Variants in EAF2 observed in about 807,000 individuals in gnomAD.
EAF2 encodes ELL associated factor 2.
In EAF2, 29 loss-of-function variants were observed where a neutral mutation model predicts 29.4. The ratio of observed to expected loss-of-function variants is 0.99; its 90% CI spans 0.73 to 1.35. EAF2 has a LOEUF of 1.35. Ranked by LOEUF, EAF2 falls within the 40% of genes most tolerant of loss-of-function variation. The pLI, the probability that EAF2 is intolerant of heterozygous loss-of-function variation, is 0.00. For missense variants in EAF2, 292 were observed against 312.0 expected (o/e 0.94, Z 0.48); for synonymous variants, 103 against 102.5 (o/e 1.00, Z -0.03).
intron 5 of EAF2, among the ~76,000 whole-genome samples, chr3:121,877,245 T>A (rs1052408688): frequency 1.3e-5 from 2 of 151,706 alleles, no homozygotes; most frequent in African/African-American, 4.8e-5. Context: ...GTATAAAACA[T>A]AACAGAAGTA....
intron 5 of EAF2, among the ~76,000 whole-genome samples, chr3:121,878,384 T>C (rs537163968): frequency 6.6e-6 from 1 of 152,178 alleles, no homozygotes; most frequent in Non-Finnish European, 1.5e-5. Flanking sequence ...ACCTCAAACA[T>C]TTGTCCTTTT....
intron 1 of EAF2, among the ~76,000 whole-genome samples, chr3:121,841,455 A>C (rs1438490321): frequency 7.0e-6 from 1 of 143,094 alleles, no homozygotes. Flanking sequence ...CAGTGAGCCG[A>C]AATCGCGCCA....
chr3:121,862,932 G>A (rs1708859104), intron 4 of EAF2, among the ~76,000 whole-genome samples: 1 of 152,210 alleles, frequency 6.6e-6, no homozygotes, highest in Non-Finnish European at 1.5e-5. Context: ...ACCCTCAGCT[G>A]CAGTCTGTTG....
At chr3:121,882,447 A>G (rs1709204212) in intron 5 of EAF2, among the ~76,000 whole-genome samples, 1 of 151,956 alleles carries the variant, frequency 6.6e-6, no homozygotes, top group Non-Finnish European at 1.5e-5. Context: ...AAAAAACAGA[A>G]CTCCTACAAA....
At position 121,854,768 on chromosome 3, in the gene EAF2, A is replaced by G; in HGVS notation, c.283A>G (p.Thr95Ala). 1.9e-6 allele frequency: 3 copies of G among 1,575,498 alleles called. No homozygotes were observed. Residue 95 changes from threonine (T) to alanine (A), a missense_variant, in exon 3 of 6, where the codon ACT becomes GCT. Transcript: ENST00000273668. ...KECILIINHD[T>A]GECRLEKLSS... ...ATGCATTTTGATTATTAACCATGAT[A>G]CTGGAGAATGTCGGCTAGAAAAACT...
intron 3 of EAF2, among the ~76,000 whole-genome samples, chr3:121,855,706 G>C (rs1460703273): frequency 2.6e-5 from 4 of 152,206 alleles, no homozygotes; most frequent in African/African-American, 9.6e-5. Context: ...AGACCTACTT[G>C]AACGGAGCAG....
chr3:121,867,967 T>C (rs1017217324), intron 4 of EAF2, among the ~76,000 whole-genome samples: 44 of 152,146 alleles, frequency 2.9e-4, no homozygotes, highest in African/African-American at 2.4e-5. Context: ...TTAATTGAGA[T>C]GGCATTCTAA....
At position 121,835,228 on chromosome 3, in the gene EAF2, T is replaced by A. The variant is rs892153256; in HGVS notation, c.-58T>A. ...GGGATCAAGTGCAGCTGCTTCAGGC[T>A]GAGGTGGCAGATAGTGAGCGCTGGT... On this transcript the variant is annotated 5_prime_UTR_variant, in exon 1 of 6. Coordinates refer to ENST00000273668, the MANE Select transcript of EAF2 (RefSeq NM_018456.6). 2.0e-6 allele frequency: 3 copies of A among 1,535,090 alleles called. No homozygotes were observed. The highest frequency in any genetic ancestry group is 3.3e-5 in the Admixed American group (2 of 59,746).
chr3:121,881,503 T>TTAG (rs1374875129), intron 5 of EAF2, among the ~76,000 whole-genome samples: 2 of 152,118 alleles, frequency 1.3e-5, no homozygotes, highest in East Asian at 1.9e-4. Context: ...TTTTAAAAAA[T>TTAG]TAGTATTATT....
At chr3:121,836,424 A>G (rs186735082) in intron 1 of EAF2, among the ~76,000 whole-genome samples, 1 of 152,346 alleles carries the variant, frequency 6.6e-6, no homozygotes, top group East Asian at 1.9e-4. Context: ...ACATTCTCCC[A>G]AAAGTTTATT....
chr3:121,866,586 G>T (rs1034521722), intron 4 of EAF2, among the ~76,000 whole-genome samples: 1 of 152,016 alleles, frequency 6.6e-6, no homozygotes, highest in Non-Finnish European at 1.5e-5. Context: ...TTAGCTGGGT[G>T]TGGTGGCACG....
Position 121,841,504 on chromosome 3 carries a change from CAAAAAAAAAAAAAAAAAAAAAAAAA to C in EAF2, c.107-2934_107-2910del, listed in dbSNP as rs57868658. 8.9e-3 allele frequency among the ~76,000 whole-genome samples: 232 copies of C among 26,024 alleles called. 4 individuals are homozygous for C. The highest frequency in any genetic ancestry group is 0.02 in the African/African-American group (118 of 5,900). 17.1% of individuals were successfully genotyped at this position (26,024 alleles called of 152,430 possible). A position where few individuals can be genotyped will look rare whatever the true frequency, so the allele number is the denominator to read the frequency against. On this transcript the variant is annotated intron_variant, in intron 1 of 5. Coordinates refer to ENST00000273668, the MANE Select transcript of EAF2 (RefSeq NM_018456.6). ...TAGGCGGCAGAGGGAGACCCTGTCTCAAAAAAAAAAAAAAAAAAAAAAAAAAAAAAAAAAAAAAAGAAAGAAAGAA... is the reference window on the plus strand; with the variant it reads ...TAGGCGGCAGAGGGAGACCCTGTCTCAAAAAAAAAAAAAAGAAAGAAAGAA...
chr3:121,847,501 T>C (rs140211571), intron 2 of EAF2, among the ~76,000 whole-genome samples: 29 of 152,208 alleles, frequency 1.9e-4, no homozygotes, highest in Non-Finnish European at 3.8e-4. Context: ...TGTAGGCATA[T>C]ATATAGGCTA....
chr3:121,845,759 A>G (rs1459268164), intron 2 of EAF2, among the ~76,000 whole-genome samples: 1 of 151,058 alleles, frequency 6.6e-6, no homozygotes, highest in Non-Finnish European at 1.5e-5. Context: ...CTGGAGTTTG[A>G]GGAGTGGTTT....
chr3:121,875,333 A>C (rs1039582928), intron 5 of EAF2, among the ~76,000 whole-genome samples: 1 of 152,038 alleles, frequency 6.6e-6, no homozygotes, highest in Non-Finnish European at 1.5e-5. Context: ...AGGTGTGGGC[A>C]TAGGGTCTGT....
At chr3:121,858,293 A>G (rs1402582819) in intron 4 of EAF2, among the ~76,000 whole-genome samples, 1 of 152,268 alleles carries the variant, frequency 6.6e-6, no homozygotes, top group Non-Finnish European at 1.5e-5. Flanking sequence ...TCAACAGTGT[A>G]AAAGTGTTCC....
rs552826204 is a variant in EAF2 at position 121,855,112 on chromosome 3, A to G, written c.338+289A>G. Among the ~76,000 whole-genome samples the G allele has an allele frequency of 6.0e-4, 92 of 152,290 alleles. 1 individual carries two copies. Among genetic ancestry groups the G allele is most frequent in the Non-Finnish European group, 1.3e-4 (9 of 68,020 alleles). ...CTGTATAACTGGATTGAAGGAAGCC[A>G]TTATACATTCTCTAAAATAATTTCA... On this transcript the variant is annotated intron_variant, in intron 3 of 5. Coordinates refer to ENST00000273668, the MANE Select transcript of EAF2 (RefSeq NM_018456.6).
intron 5 of EAF2, among the ~76,000 whole-genome samples, chr3:121,874,143 TG>T (rs1400012081): frequency 6.6e-6 from 1 of 151,744 alleles, no homozygotes; most frequent in Non-Finnish European, 1.5e-5. Flanking sequence ...CTGGGGAGAA[TG>T]GAATTTTCTG....
At chr3:121,844,581 T>C in intron 2 of EAF2, 34 bp downstream of exon 2, 1 of 1,354,554 alleles carries the variant, frequency 7.4e-7, no homozygotes, top group Non-Finnish European at 1.0e-6. Context: ...GTGATCACTT[T>C]TGTGGGATTC....
Sources: gnomAD v4.1 joint callset for allele counts (sites outside exome capture counted in the v4.1 genomes callset) on GRCh38, gnomAD v4.1.1 for gene constraint, MANE v1.5 for transcripts, NCBI Gene and HGNC (gene_info 2026-07-23, HGNC 2026-07-21) for gene names.